Variants in POC1A observed in about 807,000 individuals in gnomAD.
The protein encoded by POC1A is POC1 centriolar protein homolog A.
In POC1A, 34 loss-of-function variants were observed where a neutral mutation model predicts 47.8. The observed-to-expected ratio is 0.71, with a 90% CI of 0.54 to 0.95. The LOEUF (loss-of-function observed/expected upper bound fraction) is 0.95, where lower values mean the gene tolerates loss of function less well. Ranked by LOEUF, POC1A falls within the 40% of genes least tolerant of loss-of-function variation. The probability of loss-of-function intolerance (pLI) is 0.00; values close to 1 mark genes in which losing one functional copy is unlikely to be tolerated. For synonymous variants in POC1A, 177 were observed against 207.6 expected, an observed-to-expected ratio of 0.85 and a Z score of 1.27; for missense variants, 466 against 528.3, an observed-to-expected ratio of 0.88 and a Z score of 1.16.
At chr3:52,139,353 ACT>A in intron 6 of POC1A, among the ~76,000 whole-genome samples, 1 of 151,088 alleles carries the variant, frequency 6.6e-6, no homozygotes, top group Non-Finnish European at 1.5e-5. Context: ...CCTGTCCATG[ACT>A]CTCTTTTCCC....
At chr3:52,133,046 A>C (rs77391851) in intron 7 of POC1A, among the ~76,000 whole-genome samples, 2 of 145,324 alleles carry the variant, frequency 1.4e-5, no homozygotes, top group Non-Finnish European at 3.1e-5. Context: ...ACTCCATCTC[A>C]AAAAAAAAAA....
chr3:52,092,383 T>C (rs1577817525), intron 10 of POC1A, among the ~76,000 whole-genome samples: 2 of 152,148 alleles, frequency 1.3e-5, no homozygotes, highest in Admixed American at 6.5e-5. Flanking sequence ...CAAGGGAAGC[T>C]AGGGATGCTC....
At chr3:52,132,856 C>A (rs888991152) in intron 7 of POC1A, among the ~76,000 whole-genome samples, 4 of 152,080 alleles carry the variant, frequency 2.6e-5, no homozygotes, top group African/African-American at 9.7e-5. Flanking sequence ...ACCAGCCTGG[C>A]CAACATGGTG....
chr3:52,110,272 A>G (rs1270206525), intron 9 of POC1A, among the ~76,000 whole-genome samples: 1 of 152,198 alleles, frequency 6.6e-6, no homozygotes, highest in African/African-American at 2.4e-5. Flanking sequence ...TGCTCCAGGT[A>G]GGAGAGTGCT....
chr3:52,110,666 G>T (rs1703349336), intron 9 of POC1A, among the ~76,000 whole-genome samples: 1 of 152,216 alleles, frequency 6.6e-6, no homozygotes, highest in Non-Finnish European at 1.5e-5. Context: ...TAGATTGCCT[G>T]TCATCACTAT....
chr3:52,141,876 G>T (rs1380599092), intron 6 of POC1A, among the ~76,000 whole-genome samples: 2 of 152,152 alleles, frequency 1.3e-5, no homozygotes, highest in African/African-American at 4.8e-5. Flanking sequence ...AATGTATCAG[G>T]CCAGGCGGGG....
At chr3:52,142,466 C>T (rs1698229202) in intron 6 of POC1A, among the ~76,000 whole-genome samples, 1 of 152,198 alleles carries the variant, frequency 6.6e-6, no homozygotes, top group South Asian at 2.1e-4. Context: ...AGCCCAAAGC[C>T]CCAAGTGGGC....
chr3:52,147,088 G>C lies in POC1A; in HGVS notation c.463C>G (p.Pro155Ala), dbSNP rs770056719. 2 of 1,613,742 alleles carry C rather than the reference G, an allele frequency of 1.2e-6. No individual in the cohort carries two copies. Among genetic ancestry groups the C allele is most frequent in the South Asian group, 2.2e-5 (2 of 91,076 alleles). ...GCAGACACGATGAGCCGCCCGTCGG[G>C]GGAGAACCTGAACCGGGTGGGGCAC... ...INWVRCAKFS[P>A]DGRLIVSASD... Residue 155 changes from proline (P) to alanine (A), a missense_variant, in exon 5 of 11, where the codon CCC (proline) becomes GCC (alanine). Physicochemically the swap from Pro to Ala is conservative, Grantham distance 27. Transcript: ENST00000296484.
chr3:52,113,334 A>G (rs1018224765), intron 9 of POC1A, among the ~76,000 whole-genome samples: 14 of 152,168 alleles, frequency 9.2e-5, no homozygotes, highest in Non-Finnish European at 4.4e-5. Flanking sequence ...GTGCTCCTGG[A>G]TCTTGCGAAC....
chr3:52,100,908 T>A (rs1240322297), intron 9 of POC1A, among the ~76,000 whole-genome samples: 1 of 151,666 alleles, frequency 6.6e-6, no homozygotes, highest in Non-Finnish European at 1.5e-5. Context: ...AAAGCAAATA[T>A]AAAAACACCT....
chr3:52,104,367 A>G lies in POC1A; in HGVS notation c.982-7655T>C, dbSNP rs150547804. Among the ~76,000 whole-genome samples the G allele has an allele frequency of 1.2e-4, 19 of 152,336 alleles. No homozygotes were observed. The East Asian group carries it at 3.7e-3, about 29-fold the overall frequency. The stretch of plus-strand genomic sequence containing the variant: ...GAGAAGCAAAAGAGAACATTTTGGG[A>G]TGATGGAAAGATTCTATATCTTGAT... On this transcript the variant is annotated intron_variant, in intron 9 of 10. Coordinates refer to ENST00000296484, the MANE Select transcript of POC1A (RefSeq NM_015426.5).
intron 6 of POC1A, among the ~76,000 whole-genome samples, chr3:52,140,096 G>T (rs1020331898): frequency 2.0e-5 from 3 of 152,180 alleles, no homozygotes; most frequent in African/African-American, 7.2e-5. Context: ...TACTGGGTTG[G>T]TAAACACACC....
intron 9 of POC1A, among the ~76,000 whole-genome samples, chr3:52,109,488 C>A (rs9874939): frequency 0.23 from 34,304 of 150,322 alleles, 4,505 homozygotes; most frequent in East Asian, 0.44. Flanking sequence ...TTAATTAAAA[C>A]AAACAAACAA....
intron 10 of POC1A, among the ~76,000 whole-genome samples, chr3:52,082,875 G>A (rs2106931567): frequency 6.6e-6 from 1 of 152,260 alleles, no homozygotes; most frequent in East Asian, 1.9e-4. Flanking sequence ...CCCCCAGTCT[G>A]CACCTCACTA....
intron 7 of POC1A, among the ~76,000 whole-genome samples, chr3:52,129,312 C>G (rs770633907): frequency 6.6e-6 from 1 of 152,124 alleles, no homozygotes; most frequent in Non-Finnish European, 1.5e-5. Flanking sequence ...GTTTCCAAAC[C>G]ATAGGTGCTT....
chr3:52,121,693 C>T (rs942582903), intron 9 of POC1A, among the ~76,000 whole-genome samples: 2 of 152,206 alleles, frequency 1.3e-5, no homozygotes, highest in East Asian at 3.9e-4. Flanking sequence ...AACGGAGAGA[C>T]ATCTAAAAAG....
intron 10 of POC1A, among the ~76,000 whole-genome samples, chr3:52,078,672 A>G (rs1428666810): frequency 1.3e-5 from 2 of 151,866 alleles, no homozygotes; most frequent in Non-Finnish European, 2.9e-5. Context: ...CACTGCGCCC[A>G]GCTAATATTT....
chr3:52,088,542 G>T (rs920174086), intron 10 of POC1A, among the ~76,000 whole-genome samples: 1 of 152,140 alleles, frequency 6.6e-6, no homozygotes, highest in African/African-American at 2.4e-5. Context: ...TCCTGGCCCT[G>T]CTGTGGTGGT....
At chr3:52,092,249 C>T in intron 10 of POC1A, among the ~76,000 whole-genome samples, 1 of 152,206 alleles carries the variant, frequency 6.6e-6, no homozygotes, top group East Asian at 1.9e-4. Flanking sequence ...AGGGACTCGG[C>T]CTGCTGGGCT....
Sources: gnomAD v4.1 joint callset for allele counts (sites outside exome capture counted in the v4.1 genomes callset) on GRCh38, gnomAD v4.1.1 for gene constraint, MANE v1.5 for transcripts, NCBI Gene and HGNC (gene_info 2026-07-23, HGNC 2026-07-21) for gene names.